PTPRN: variants seen among roughly 807,000 people sequenced by gnomAD.
The protein encoded by PTPRN is protein tyrosine phosphatase receptor type N.
PTPRN carries 70 observed loss-of-function variants against 108.5 expected under a neutral mutation model. That is an observed-to-expected ratio of 0.65 (90% CI 0.53 to 0.79). The LOEUF is 0.79. Ranked by LOEUF, PTPRN falls within the 30% of genes least tolerant of loss-of-function variation. The pLI, the probability that PTPRN is intolerant of heterozygous loss-of-function variation, is 0.00. For synonymous variants in PTPRN, 496 were observed against 524.6 expected, an observed-to-expected ratio of 0.95 and a Z score of 0.75; for missense variants, 1,136 against 1,295.5, an observed-to-expected ratio of 0.88 and a Z score of 1.89.
chr2:219,298,123 A>T lies in PTPRN; in HGVS notation c.1669-20T>A. On this transcript the variant is annotated intron_variant, in intron 12 of 22. Coordinates refer to ENST00000295718, the MANE Select transcript of PTPRN (RefSeq NM_002846.4). ...CTCCCTCTGTGGGAACAAGGCTAGA[A>T]TCAAGGGAGGCAGTGGCATAGGGAG... 6.2e-7 allele frequency: 1 copy of T among 1,606,100 alleles called. No homozygotes were observed. The highest frequency in any genetic ancestry group is 1.1e-5 in the South Asian group (1 of 91,046).
At chr2:219,308,991 C>T (rs1363740998) in intron 1 of PTPRN, 3 of 1,521,364 alleles carry the variant, frequency 2.0e-6, no homozygotes, top group South Asian at 1.2e-5. Context: ...CAATTTTCCC[C>T]AGAGCCCAAT....
chr2:219,306,683 TC>T (rs1379901140), intron 3 of PTPRN, among the ~76,000 whole-genome samples: 1 of 152,204 alleles, frequency 6.6e-6, no homozygotes, highest in Non-Finnish European at 1.5e-5. Flanking sequence ...ACTCTTCCTC[TC>T]CATCAGTCTT....
At chr2:219,295,226 T>A (rs1458344410) in intron 18 of PTPRN, 85 bp from the exon 19 acceptor site, 8 of 1,490,376 alleles carry the variant, frequency 5.4e-6, no homozygotes, top group Non-Finnish European at 7.3e-6. Flanking sequence ...CTTCTCGGTC[T>A]CTCCAACCAC....
Position 219,308,101 on chromosome 2 carries a change from C to T in PTPRN, c.116-259G>A. 8.1e-6 allele frequency: 4 copies of T among 491,426 alleles called. No individual in the cohort carries two copies. In the South Asian group the frequency reaches 1.0e-4, roughly 13 times the overall value. The allele number at this position is 491,426 out of a possible 1,614,324, so 30.4% of individuals were successfully genotyped here. ...AACTGAGTGATAGGGAAGAAACCTT[C>T]CAGGTGCAGGGAGAGAGATTCATAG... On this transcript the variant is annotated intron_variant, in intron 1 of 22. Coordinates refer to ENST00000295718, the MANE Select transcript of PTPRN (RefSeq NM_002846.4).
chr2:219,293,829 G>A (rs1217018041), intron 19 of PTPRN, among the ~76,000 whole-genome samples: 1 of 152,208 alleles, frequency 6.6e-6, no homozygotes, highest in Non-Finnish European at 1.5e-5. Flanking sequence ...GGAGAAGGGC[G>A]CAGTGTGGGT....
Position 219,302,693 on chromosome 2 carries a change from G to T in PTPRN, c.522C>A (p.Ser174=). ...GCGGGAGCAGCTCAGCCTGCAGAGGGGACAGAGAGGAGCTGGCCCCAGCTC... is the reference window on the plus strand; with the variant it reads ...GCGGGAGCAGCTCAGCCTGCAGAGGTGACAGAGAGGAGCTGGCCCCAGCTC... ...KGGAGASSSL[S]PLQAELLPPL... The change falls in exon 5 of 23, where the codon TCC becomes TCA. Residue 174 remains serine, a synonymous_variant. Coordinates refer to ENST00000295718, the MANE Select transcript of PTPRN (RefSeq NM_002846.4). 1.2e-6 allele frequency: 2 copies of T among 1,613,342 alleles called. No individual in the cohort carries two copies. The highest frequency in any genetic ancestry group is 1.7e-6 in the Non-Finnish European group (2 of 1,179,832).
At chr2:219,309,166 C>T in intron 1 of PTPRN, 52 bp downstream of exon 1, 2 of 1,454,860 alleles carry the variant, frequency 1.4e-6, no homozygotes, top group Non-Finnish European at 1.9e-6. Context: ...CGCTCCAGGC[C>T]CCAAGCTGCT....
rs770042457 is a variant in PTPRN at position 219,295,102 on chromosome 2, G to C, written c.2548C>G (p.Leu850Val). 1 of 1,613,162 alleles carries C rather than the reference G, an allele frequency of 6.2e-7. No individual in the cohort carries two copies. The highest frequency in any genetic ancestry group is 2.2e-5 in the East Asian group (1 of 44,786). The change falls in exon 19 of 23, where the codon CTG (leucine) becomes GTG (valine). Residue 850 changes from leucine (L) to valine (V), a missense_variant. Leu to Val is a conservative substitution (Grantham distance 32). Transcript: ENST00000295718. ...VSEHIWCEDF[L>V]VRSFYLKNVQ... ...TTCTTCAGGTAGAAGCTCCGCACCA[G>C]AAAGTCCTCGCACCAGATGTGCTCC...
At position 219,297,740 on chromosome 2, in the gene PTPRN, C is replaced by A; in HGVS notation, c.1887+145G>T. The stretch of plus-strand genomic sequence containing the variant: ...ATAAAGGCCCCTACCATACTCCCTC[C>A]CACTGGGGCTTCTCCAGCCTCCACT... On this transcript the variant is annotated intron_variant, in intron 13 of 22. Coordinates refer to ENST00000295718, the MANE Select transcript of PTPRN (RefSeq NM_002846.4). This position sits in a 1 kb window ranked among gnomAD's most constrained non-coding sequence, Gnocchi z 6.0. 3.1e-6 allele frequency: 3 copies of A among 965,996 alleles called. No individual in the cohort carries two copies. The highest frequency in any genetic ancestry group is 2.6e-5 in the East Asian group (1 of 38,046). 59.8% of individuals were successfully genotyped at this position (965,996 alleles called of 1,614,324 possible). A position where few individuals can be genotyped will look rare whatever the true frequency, so the allele number is the denominator to read the frequency against.
Position 219,296,709 on chromosome 2 carries a change from T to C in PTPRN, c.2310+40A>G. 6.2e-7 allele frequency: 1 copy of C among 1,609,310 alleles called. No homozygotes were observed. The highest frequency in any genetic ancestry group is 8.5e-7 in the Non-Finnish European group (1 of 1,177,292). ...AATGGAGTGCATAGGGCCAGGATAA[T>C]GATGGGGCAGAGGTGGGGGCTGGAG... is the stretch of plus-strand genomic sequence containing the variant. On this transcript the variant is annotated intron_variant, in intron 16 of 22. Coordinates refer to ENST00000295718, the MANE Select transcript of PTPRN (RefSeq NM_002846.4). The surrounding 1 kb of genome is among the most constrained non-coding windows in gnomAD (Gnocchi z 6.0).
rs957928154 is a variant in PTPRN, at chr2:219,290,569, C to T, written c.2837G>A (p.Arg946His). The change falls in exon 22 of 23, where the codon CGT becomes CAT. Residue 946 changes from arginine (R) to histidine (H), a missense_variant. Transcript: ENST00000295718. This position sits in a 1 kb window ranked among gnomAD's most constrained non-coding sequence, Gnocchi z 4.2. ...IDIAATLEHV[R>H]DQRPGLVRSK... ...GCGGACAAGGCCAGGCCGCTGGTCA[C>T]GGACATGCTCCAGGGTGGCAGCGAT... 3.9e-6 allele frequency: 6 copies of T among 1,551,642 alleles called. No homozygotes were observed. Among genetic ancestry groups the T allele is most frequent in the Middle Eastern group, 1.7e-4 (1 of 5,994 alleles).
Position 219,290,369 on chromosome 2 carries a change from T to TTGG in PTPRN, c.2869-75_2869-73dup. 1 of 915,940 alleles carries TTGG rather than the reference T, an allele frequency of 1.1e-6. No homozygotes were observed. Among genetic ancestry groups the TTGG allele is most frequent in the Admixed American group, 1.9e-5 (1 of 51,916 alleles). The allele number at this position is 915,940 out of a possible 1,614,324, so 56.7% of individuals were successfully genotyped here. On this transcript the variant is annotated intron_variant, in intron 22 of 22. Transcript: ENST00000295718. This position sits in a 1 kb window ranked among gnomAD's most constrained non-coding sequence, Gnocchi z 4.2. ...GCTCTGCCCTCAAGATGGGGGGCTT[T>TTGG]TGGTGGGGGGAGGGCCCTGGGCAGG...
In PTPRN at chr2:219,297,499, A is replaced by C; in HGVS notation, c.1888-66T>G. On this transcript the variant is annotated intron_variant, in intron 13 of 22. Transcript: ENST00000295718. The surrounding 1 kb of genome is among the most constrained non-coding windows in gnomAD (Gnocchi z 6.0). ...AACTTTTCAACAGGGCCCTGGGTTC[A>C]ACTCTGGGCTCCTAGGCTTGCCCTT... The C allele has an allele frequency of 6.7e-7, 1 of 1,490,850 alleles. No individual in the cohort carries two copies. Among genetic ancestry groups the C allele is most frequent in the Admixed American group, 1.7e-5 (1 of 57,658 alleles). The allele number at this position is 1,490,850 out of a possible 1,614,324, so 92.4% of individuals were successfully genotyped here. A position where few individuals can be genotyped will look rare whatever the true frequency, so the allele number is the denominator to read the frequency against.
intron 19 of PTPRN, 140 bp from the exon 20 acceptor site, chr2:219,291,663 A>G: frequency 1.1e-6 from 1 of 893,250 alleles, no homozygotes; most frequent in Non-Finnish European, 1.7e-6. Context: ...TGGAGAAAGG[A>G]GCCAGGGCTG....
chr2:219,298,979 T>G, intron 12 of PTPRN, 68 bp downstream of exon 12: 1 of 1,579,262 alleles, frequency 6.3e-7, no homozygotes, highest in Non-Finnish European at 8.7e-7. Context: ...CCCTCTGGTT[T>G]GCCTCCAGCT....
At chr2:219,292,040 G>A (rs1271104350) in intron 19 of PTPRN, 1 of 161,952 alleles carries the variant, frequency 6.2e-6, no homozygotes, top group Non-Finnish European at 1.4e-5. Context: ...CTGGCCCTCT[G>A]CCATTCTTTA....
At chr2:219,294,869 A>C in intron 19 of PTPRN, 106 bp downstream of exon 19, 1 of 1,178,180 alleles carries the variant, frequency 8.5e-7, no homozygotes, top group Non-Finnish European at 1.1e-6. Context: ...CAGAAGTCAG[A>C]GGCCGAGGCT....
At chr2:219,295,232 A>G (rs2125090603) in intron 18 of PTPRN, 91 bp from the exon 19 acceptor site, 3 of 1,435,094 alleles carry the variant, frequency 2.1e-6, no homozygotes, top group African/African-American at 2.9e-5. Context: ...GGTCTCTCCA[A>G]CCACCGCCCG....
At chr2:219,309,044 C>T (rs1390740889) in intron 1 of PTPRN, 174 bp downstream of exon 1, 1 of 1,534,090 alleles carries the variant, frequency 6.5e-7, no homozygotes. Context: ...CACCTCCAGG[C>T]CTACGCCCCT....
Sources: gnomAD v4.1 joint callset for allele counts (sites outside exome capture counted in the v4.1 genomes callset) on GRCh38, gnomAD v4.1.1 for gene constraint, Gnocchi (gnomAD v3.1) non-coding constraint, MANE v1.5 for transcripts, NCBI Gene and HGNC (gene_info 2026-07-23, HGNC 2026-07-21) for gene names.